Variants in MARCHF11 observed in about 807,000 individuals in gnomAD.
MARCHF11 encodes the protein membrane associated ring-CH-type finger 11.
Under a neutral mutation model 37.3 loss-of-function variants are expected in MARCHF11, and 29 were observed. The observed-to-expected ratio is 0.78, with a 90% CI of 0.58 to 1.06. The LOEUF (loss-of-function observed/expected upper bound fraction) is 1.06. MARCHF11 is among the 50% of genes least tolerant of loss of function. The pLI is 0.00. For missense variants in MARCHF11, 482 were observed against 533.4 expected (o/e 0.90, Z 0.95); for synonymous variants, 233 against 228.0 (o/e 1.02, Z -0.20).
intron 2 of MARCHF11, among the ~76,000 whole-genome samples, chr5:16,148,082 T>C (rs1010673450): frequency 1.3e-5 from 2 of 152,128 alleles, no homozygotes; most frequent in Admixed American, 6.6e-5. Flanking sequence ...CATTTTTATA[T>C]TATGCACTTT....
At chr5:16,125,898 A>G (rs1279160843) in intron 2 of MARCHF11, among the ~76,000 whole-genome samples, 1 of 152,214 alleles carries the variant, frequency 6.6e-6, no homozygotes, top group Non-Finnish European at 1.5e-5. Flanking sequence ...TAAGAAAGGC[A>G]CAGCAAAGAA....
At chr5:16,153,739 G>A (rs1270008091) in intron 2 of MARCHF11, among the ~76,000 whole-genome samples, 1 of 151,930 alleles carries the variant, frequency 6.6e-6, no homozygotes, top group African/African-American at 2.4e-5. Context: ...AAAGTAAACA[G>A]TTCACAGGCT....
intron 2 of MARCHF11, among the ~76,000 whole-genome samples, chr5:16,167,696 T>C (rs1241773041): frequency 1.3e-5 from 2 of 152,234 alleles, no homozygotes; most frequent in Admixed American, 1.3e-4. Flanking sequence ...ATTAGCATCA[T>C]TAACGCAATC....
chr5:16,067,863 A>G, intron 3 of MARCHF11, 70 bp from the exon 4 acceptor site: 1 of 1,327,742 alleles, frequency 7.5e-7, no homozygotes, highest in Non-Finnish European at 1.0e-6. Context: ...TATTTTGTAT[A>G]CAAGTAAGGG....
chr5:16,075,696 G>A (rs1163766691), intron 3 of MARCHF11, among the ~76,000 whole-genome samples: 1 of 152,148 alleles, frequency 6.6e-6, no homozygotes, highest in Admixed American at 6.5e-5. Flanking sequence ...AGGATCTTGA[G>A]TATTGTTCTT....
chr5:16,094,498 AGT>A (rs1222800858), intron 2 of MARCHF11, among the ~76,000 whole-genome samples: 2 of 151,780 alleles, frequency 1.3e-5, no homozygotes, highest in Non-Finnish European at 2.9e-5. Context: ...GATACATAGG[AGT>A]GTGTGTGTCT....
At chr5:16,156,843 A>T (rs1396757290) in intron 2 of MARCHF11, among the ~76,000 whole-genome samples, 4 of 151,900 alleles carry the variant, frequency 2.6e-5, no homozygotes, top group Non-Finnish European at 5.9e-5. Context: ...TGAATACTGT[A>T]GGCAATGGAA....
intron 3 of MARCHF11, among the ~76,000 whole-genome samples, chr5:16,077,273 T>C (rs1442942929): frequency 6.6e-6 from 1 of 152,116 alleles, no homozygotes; most frequent in African/African-American, 2.4e-5. Context: ...AGAGACTTGG[T>C]GGGCTTTTCC....
At chr5:16,096,596 A>G (rs1214636971) in intron 2 of MARCHF11, among the ~76,000 whole-genome samples, 2 of 152,218 alleles carry the variant, frequency 1.3e-5, no homozygotes, top group Non-Finnish European at 2.9e-5. Flanking sequence ...TTGCTGTGAA[A>G]CCAGGCAAAT....
chr5:16,097,578 T>C (rs1736893287), intron 2 of MARCHF11, among the ~76,000 whole-genome samples: 1 of 152,214 alleles, frequency 6.6e-6, no homozygotes, highest in African/African-American at 2.4e-5. Flanking sequence ...TGTATGCTCA[T>C]TAATCCCAGA....
chr5:16,140,706 C>T (rs1253626609), intron 2 of MARCHF11, among the ~76,000 whole-genome samples: 1 of 152,160 alleles, frequency 6.6e-6, no homozygotes, highest in African/African-American at 2.4e-5. Context: ...AAATCTTAAA[C>T]TAAATCTATG....
intron 2 of MARCHF11, among the ~76,000 whole-genome samples, chr5:16,127,753 A>G (rs1737438279): frequency 6.6e-6 from 1 of 152,172 alleles, no homozygotes; most frequent in Non-Finnish European, 1.5e-5. Context: ...AGGGGAGAAG[A>G]GATGTGCCAA....
chr5:16,078,712 T>C (rs1736559656), intron 3 of MARCHF11, among the ~76,000 whole-genome samples: 2 of 152,170 alleles, frequency 1.3e-5, no homozygotes, highest in African/African-American at 4.8e-5. Flanking sequence ...CTCTGGGCCT[T>C]CCCCAGTGAG....
intron 3 of MARCHF11, among the ~76,000 whole-genome samples, chr5:16,087,209 T>C (rs1736714386): frequency 6.6e-6 from 1 of 152,232 alleles, no homozygotes; most frequent in African/African-American, 2.4e-5. Flanking sequence ...AAAATTAAAT[T>C]CACATTTGAT....
chr5:16,095,353 A>T (rs141024413), intron 2 of MARCHF11, among the ~76,000 whole-genome samples: 346 of 152,248 alleles, frequency 2.3e-3, no homozygotes, highest in African/African-American at 7.9e-3. Context: ...TCTAAGCTTC[A>T]GCGAGGAGGG....
intron 2 of MARCHF11, 59 bp downstream of exon 2, chr5:16,177,667 T>G: frequency 2.8e-6 from 4 of 1,445,008 alleles, no homozygotes; most frequent in Non-Finnish European, 2.8e-6. Flanking sequence ...ATAACTAAGC[T>G]TAAGTGCATT....
intron 2 of MARCHF11, among the ~76,000 whole-genome samples, chr5:16,147,471 A>C (rs555310182): frequency 9.2e-5 from 14 of 152,278 alleles, no homozygotes; most frequent in Non-Finnish European, 1.6e-4. Context: ...TTGAAACCTG[A>C]TCTGTGGGCT....
chr5:16,125,114 A>G lies in MARCHF11; in HGVS notation c.694-34033T>C, dbSNP rs111993833. ...TTCAGACTCTTGGCAGTTGTGTGACAGCAAAGTGGTGTTTAAGCCATACAT... is the reference window on the plus strand; with the variant it reads ...TTCAGACTCTTGGCAGTTGTGTGACGGCAAAGTGGTGTTTAAGCCATACAT... On this transcript the variant is annotated intron_variant, in intron 2 of 3. Coordinates refer to ENST00000332432, the MANE Select transcript of MARCHF11 (RefSeq NM_001102562.3). Among the ~76,000 whole-genome samples the G allele has an allele frequency of 2.9e-3, 443 of 151,594 alleles. 20 individuals carry two copies. Among genetic ancestry groups the G allele is most frequent in the Non-Finnish European group, 4.9e-3 (332 of 67,668 alleles).
chr5:16,169,585 T>A (rs1380673179), intron 2 of MARCHF11, among the ~76,000 whole-genome samples: 1 of 152,138 alleles, frequency 6.6e-6, no homozygotes, highest in African/African-American at 2.4e-5. Context: ...TGGGTTCCTG[T>A]CATGTCTTAT....
Sources: gnomAD v4.1 joint callset for allele counts (sites outside exome capture counted in the v4.1 genomes callset) on GRCh38, gnomAD v4.1.1 for gene constraint, MANE v1.5 for transcripts, NCBI Gene and HGNC (gene_info 2026-07-23, HGNC 2026-07-21) for gene names.